Variants in TCF4 observed in about 807,000 individuals in gnomAD.
The protein encoded by TCF4 is SL3-3 enhancer factor 2.
Under a neutral mutation model 82.1 loss-of-function variants are expected in TCF4, and 3 were observed. That is an observed-to-expected ratio of 0.04 (90% CI 0.02 to 0.09). TCF4 has a LOEUF of 0.09. Among genes scored for constraint, TCF4 ranks in the 10% least tolerant of loss-of-function variants. The pLI, the probability that TCF4 is intolerant of heterozygous loss-of-function variation, is 1.00. For missense variants in TCF4, 518 were observed against 852.7 expected, an observed-to-expected ratio of 0.61 and a Z score of 4.89; for synonymous variants, 276 against 309.6, an observed-to-expected ratio of 0.89 and a Z score of 1.14.
At chr18:55,330,150 A>T (rs1037639257) in intron 8 of TCF4, among the ~76,000 whole-genome samples, 4 of 150,610 alleles carry the variant, frequency 2.7e-5, no homozygotes, top group Non-Finnish European at 5.9e-5. Flanking sequence ...ATGGGCTGTG[A>T]CCTTCAAACT....
At chr18:55,345,890 T>C (rs2081070709) in intron 8 of TCF4, among the ~76,000 whole-genome samples, 1 of 152,168 alleles carries the variant, frequency 6.6e-6, no homozygotes, top group African/African-American at 2.4e-5. Context: ...ATTTCAAAAG[T>C]GATGTAGGAA....
chr18:55,410,518 C>T (rs2094300689), intron 5 of TCF4, among the ~76,000 whole-genome samples: 1 of 151,988 alleles, frequency 6.6e-6, no homozygotes, highest in Non-Finnish European at 1.5e-5. Flanking sequence ...AGGCAACACA[C>T]CCTAAAAGCT....
At chr18:55,390,866 C>T (rs2093024962) in intron 6 of TCF4, among the ~76,000 whole-genome samples, 3 of 152,184 alleles carry the variant, frequency 2.0e-5, no homozygotes, top group Admixed American at 6.5e-5. Context: ...TCCCTCTATA[C>T]ATAAAACTCC....
intron 3 of TCF4, among the ~76,000 whole-genome samples, chr18:55,521,167 A>T (rs1341752938): frequency 6.6e-6 from 1 of 152,198 alleles, no homozygotes; most frequent in Non-Finnish European, 1.5e-5. Context: ...AACAAAAATA[A>T]ATGGAATTAT....
intron 8 of TCF4, among the ~76,000 whole-genome samples, chr18:55,347,241 A>G (rs1038549100): frequency 2.0e-5 from 3 of 152,174 alleles, no homozygotes; most frequent in Non-Finnish European, 2.9e-5. Flanking sequence ...TAAAAAGAGC[A>G]ACATACTAAA....
chr18:55,281,957 T>C (rs2146323090), intron 8 of TCF4, among the ~76,000 whole-genome samples: 1 of 152,138 alleles, frequency 6.6e-6, no homozygotes, highest in East Asian at 1.9e-4. Flanking sequence ...TTTTCTGCTG[T>C]TTTAGCCAAT....
rs567708816 is a variant in TCF4 at position 55,597,589 on chromosome 18, C to T, written c.287-10453G>A. The stretch of plus-strand genomic sequence containing the variant: ...GGCCAAGGCACGAGAATCACTTGAA[C>T]CTGGGAAGCGGAGGTTGCAGTGAGC... On this transcript the variant is annotated intron_variant, in intron 2 of 20. Transcript: ENST00000398339. Among the ~76,000 whole-genome samples, 23 of 151,974 alleles carry T rather than the reference C, an allele frequency of 1.5e-4. No homozygotes were observed. In the South Asian group the frequency reaches 4.4e-3, roughly 29 times the overall value.
chr18:55,434,494 A>G (rs1358698912), intron 5 of TCF4, among the ~76,000 whole-genome samples: 4 of 140,932 alleles, frequency 2.8e-5, no homozygotes, highest in Non-Finnish European at 6.0e-5. Flanking sequence ...ATCTCGGCTC[A>G]CTGCAAGCTC....
chr18:55,239,297 A>G (rs1199739476), intron 15 of TCF4, among the ~76,000 whole-genome samples: 1 of 152,220 alleles, frequency 6.6e-6, no homozygotes, highest in Non-Finnish European at 1.5e-5. Context: ...GTTATATATC[A>G]GTTAGGTCAA....
chr18:55,326,659 A>G (rs1199248638), intron 8 of TCF4, among the ~76,000 whole-genome samples: 1 of 152,154 alleles, frequency 6.6e-6, no homozygotes, highest in African/African-American at 2.4e-5. Context: ...TTAGAGGAAT[A>G]GTAAATGTTG....
intron 15 of TCF4, among the ~76,000 whole-genome samples, chr18:55,242,649 G>C (rs2051638737): frequency 6.8e-6 from 1 of 147,806 alleles, no homozygotes; most frequent in Non-Finnish European, 1.5e-5. Context: ...TTGCTTTGTT[G>C]CCCAGAAAGG....
At chr18:55,539,476 A>C (rs997138279) in intron 3 of TCF4, among the ~76,000 whole-genome samples, 2 of 152,214 alleles carry the variant, frequency 1.3e-5, no homozygotes. Context: ...CAAACCAATG[A>C]AATTCCTGAG....
intron 3 of TCF4, among the ~76,000 whole-genome samples, chr18:55,470,512 AAT>A (rs1458258022): frequency 2.0e-5 from 3 of 152,236 alleles, no homozygotes; most frequent in Non-Finnish European, 4.4e-5. Flanking sequence ...TTCTATGTGT[AAT>A]ACACAAATGA....
At chr18:55,450,004 T>G (rs775676633) in intron 5 of TCF4, among the ~76,000 whole-genome samples, 1 of 152,164 alleles carries the variant, frequency 6.6e-6, no homozygotes, top group Admixed American at 6.5e-5. Context: ...TAATAATAAT[T>G]TGCATTAACT....
intron 3 of TCF4, among the ~76,000 whole-genome samples, chr18:55,517,800 A>C (rs2096897426): frequency 6.6e-6 from 1 of 152,160 alleles, no homozygotes; most frequent in African/African-American, 2.4e-5. Context: ...GCAGTAAAGC[A>C]ATGGTGACTC....
rs186238687 is a variant in TCF4, at chr18:55,249,402, G to T, written c.1350+5095C>A. On this transcript the variant is annotated intron_variant, in intron 15 of 19. Coordinates refer to ENST00000354452, the MANE Select transcript of TCF4 (RefSeq NM_001083962.2). ...CTTTTATTGGTGATTTCTGAAATGG[G>T]TTCCACATCCCCCACCTGCAGGACT... Among the ~76,000 whole-genome samples, 126 of 152,270 alleles carry T rather than the reference G, an allele frequency of 8.3e-4. 1 individual carries two copies. The highest frequency in any genetic ancestry group is 3.0e-3 in the African/African-American group (123 of 41,562).
chr18:55,632,684 G>A (rs1603625775), intron 1 of TCF4, among the ~76,000 whole-genome samples: 3 of 152,218 alleles, frequency 2.0e-5, no homozygotes, highest in South Asian at 4.1e-4. Context: ...TAGTACTGCT[G>A]GAGGGTAACA....
intron 8 of TCF4, among the ~76,000 whole-genome samples, chr18:55,325,106 CGAAT>C (rs1380574490): frequency 6.6e-6 from 1 of 151,996 alleles, no homozygotes; most frequent in Non-Finnish European, 1.5e-5. Context: ...AAAAACTTGC[CGAAT>C]GAATGAATAA....
chr18:55,549,637 C>A (rs1038020259), intron 3 of TCF4, among the ~76,000 whole-genome samples: 1 of 152,186 alleles, frequency 6.6e-6, no homozygotes, highest in East Asian at 1.9e-4. Context: ...CTGTCAGGGG[C>A]AACAACAGCA....
Sources: allele counts gnomAD v4.1 joint callset (sites outside exome capture counted in the v4.1 genomes callset), GRCh38; gene constraint gnomAD v4.1.1; transcripts MANE v1.5; gene names NCBI Gene and HGNC (gene_info 2026-07-23, HGNC 2026-07-21).